PLEKHA6: variants seen among roughly 807,000 people sequenced by gnomAD.
PLEKHA6 encodes pleckstrin homology domain-containing family A member 6.
In PLEKHA6, 60 loss-of-function variants were observed where a neutral mutation model predicts 116.7. The ratio of observed to expected loss-of-function variants is 0.51; its 90% CI spans 0.42 to 0.64. The LOEUF (loss-of-function observed/expected upper bound fraction) is 0.64, where lower values mean the gene tolerates loss of function less well. PLEKHA6 is among the 30% of genes least tolerant of loss of function. PLEKHA6 has a pLI of 0.00. For synonymous variants in PLEKHA6, 489 were observed against 556.1 expected, an observed-to-expected ratio of 0.88 and a Z score of 1.70; for missense variants, 1,338 against 1,422.7, an observed-to-expected ratio of 0.94 and a Z score of 0.96.
chr1:204,334,637 G>A (rs1314861319), intron 1 of PLEKHA6, among the ~76,000 whole-genome samples: 2 of 152,170 alleles, frequency 1.3e-5, no homozygotes, highest in Non-Finnish European at 2.9e-5. Flanking sequence ...GGTGGTTCAT[G>A]CCTGTCATCC....
At chr1:204,260,830 A>G (rs1666014983) in intron 7 of PLEKHA6, among the ~76,000 whole-genome samples, 1 of 152,212 alleles carries the variant, frequency 6.6e-6, no homozygotes, top group Admixed American at 6.5e-5. Flanking sequence ...CACTCTGTGT[A>G]GGCCTCACAA....
intron 17 of PLEKHA6, among the ~76,000 whole-genome samples, chr1:204,239,313 A>G (rs1662482770): frequency 6.6e-6 from 1 of 152,164 alleles, no homozygotes; most frequent in Non-Finnish European, 1.5e-5. Flanking sequence ...TGAGTGCCCA[A>G]TTTGCCAGCA....
chr1:204,363,564 G>A (rs534562106), upstream of PLEKHA6, among the ~76,000 whole-genome samples: 2 of 152,282 alleles, frequency 1.3e-5, no homozygotes, highest in East Asian at 1.9e-4. Context: ...GCACCCTTGG[G>A]GACAGAACTG....
chr1:204,248,434 G>C (rs10900566), intron 12 of PLEKHA6, among the ~76,000 whole-genome samples: 3 of 151,964 alleles, frequency 2.0e-5, no homozygotes, highest in African/African-American at 7.3e-5. Context: ...GATTATAGGC[G>C]TGAGCCACTG....
At chr1:204,288,648 G>A (rs1261218893) in intron 1 of PLEKHA6, among the ~76,000 whole-genome samples, 1 of 152,204 alleles carries the variant, frequency 6.6e-6, no homozygotes, top group Admixed American at 6.5e-5. Context: ...CAGATCCATG[G>A]AACTGCCTCT....
At chr1:204,287,668 C>T (rs1281594805) in intron 1 of PLEKHA6, among the ~76,000 whole-genome samples, 2 of 152,178 alleles carry the variant, frequency 1.3e-5, no homozygotes, top group African/African-American at 4.8e-5. Flanking sequence ...ATGCCAGTCT[C>T]CTGTGGCTCT....
intron 1 of PLEKHA6, among the ~76,000 whole-genome samples, chr1:204,316,859 T>A (rs906626910): frequency 1.2e-4 from 18 of 152,200 alleles, no homozygotes; most frequent in African/African-American, 4.3e-4. Flanking sequence ...ACCCTACTGG[T>A]ATTTTACCAG....
chr1:204,239,772 C>T (rs1032481122), intron 17 of PLEKHA6, among the ~76,000 whole-genome samples: 11 of 152,156 alleles, frequency 7.2e-5, no homozygotes, highest in African/African-American at 2.4e-4. Context: ...TTCAGAAGGC[C>T]ATGTATGTTC....
intron 1 of PLEKHA6, among the ~76,000 whole-genome samples, chr1:204,306,384 C>T (rs1461783269): frequency 2.0e-5 from 3 of 152,150 alleles, no homozygotes; most frequent in African/African-American, 4.8e-5. Flanking sequence ...GACGGGGCCA[C>T]ATTCAGCCAG....
In PLEKHA6 at chr1:204,226,043, G is replaced by A. The variant is rs1305984087; in HGVS notation, c.3031+2040C>T. Among the ~76,000 whole-genome samples, 4 of 152,214 alleles carry A rather than the reference G, an allele frequency of 2.6e-5. No homozygotes were observed. In the East Asian group the frequency reaches 7.7e-4, roughly 29 times the overall value. ...ACGCGGGCACTGAACTCTACTCGCT[G>A]CACCCGCTGCACGCTGTGCTCATGA... On this transcript the variant is annotated intron_variant, in intron 21 of 22. Transcript: ENST00000272203.
At chr1:204,343,811 G>C (rs993176220) in intron 1 of PLEKHA6, among the ~76,000 whole-genome samples, 5 of 152,158 alleles carry the variant, frequency 3.3e-5, no homozygotes, top group Non-Finnish European at 7.3e-5. Context: ...GAGAAAAGCT[G>C]ACCAAGTGAA....
intron 1 of PLEKHA6, among the ~76,000 whole-genome samples, chr1:204,278,343 G>A (rs561861158): frequency 2.6e-5 from 4 of 152,284 alleles, no homozygotes; most frequent in South Asian, 2.1e-4. Context: ...TTGATATCAC[G>A]TTTCAGTTCC....
In PLEKHA6 at chr1:204,261,472, A is replaced by AGCTG; in HGVS notation, c.382-28_382-25dup. 1 of 1,588,956 alleles carries AGCTG rather than the reference A, an allele frequency of 6.3e-7. No individual in the cohort carries two copies. The highest frequency in any genetic ancestry group is 8.6e-7 in the Non-Finnish European group (1 of 1,166,014). ...GCCTGTGGGGAGAGGCAGCGTGTGGAGCTGGCCTCGGCCTCATCCACCCAG... is the reference window on the plus strand; with the variant it reads ...GCCTGTGGGGAGAGGCAGCGTGTGGAGCTGGCTGGCCTCGGCCTCATCCACCCAG... On this transcript the variant is annotated intron_variant, in intron 6 of 22. Coordinates refer to ENST00000272203, the MANE Select transcript of PLEKHA6 (RefSeq NM_014935.5). The surrounding 1 kb of genome is among the most constrained non-coding windows in gnomAD (Gnocchi z 4.0).
chr1:204,297,383 A>G (rs1670385019), intron 1 of PLEKHA6, among the ~76,000 whole-genome samples: 1 of 152,242 alleles, frequency 6.6e-6, no homozygotes, highest in African/African-American at 2.4e-5. Flanking sequence ...GGGCCTTAGC[A>G]CATGGCTACA....
chr1:204,352,238 G>A (rs770589724), intron 1 of PLEKHA6, among the ~76,000 whole-genome samples: 18 of 151,820 alleles, frequency 1.2e-4, no homozygotes, highest in African/African-American at 1.7e-4. Flanking sequence ...GCCCGGCATG[G>A]TGGCGCATGC....
chr1:204,257,787 A>G lies in PLEKHA6; in HGVS notation c.1090T>C (p.Tyr364His). The change falls in exon 9 of 23, where the codon TAC (tyrosine) becomes CAC (histidine). Residue 364 changes from tyrosine (Y) to histidine (H), a missense_variant. Tyr to His is a moderately conservative substitution (Grantham distance 83). Around this residue, in one of 3 missense-constraint regions of PLEKHA6, gnomAD observed 1,136 missense variants for 1,163.6 expected, o/e 0.98. Coordinates refer to ENST00000272203, the MANE Select transcript of PLEKHA6 (RefSeq NM_014935.5). The surrounding 1 kb of genome is among the most constrained non-coding windows in gnomAD (Gnocchi z 6.5). Reference sequence around the variant, plus strand: ...TCCGGCCGCACTCCTGGCGGGTAGTACTGATAATCATCGGGGTACTGGGAG... The same window carrying G: ...TCCGGCCGCACTCCTGGCGGGTAGTGCTGATAATCATCGGGGTACTGGGAG... Reference protein sequence around the residue: ...YSSQYPDDYQYYPPGVRPESI... With the variant: ...YSSQYPDDYQHYPPGVRPESI... 1 of 1,614,046 alleles carries G rather than the reference A, an allele frequency of 6.2e-7. No individual in the cohort carries two copies. Among genetic ancestry groups the G allele is most frequent in the Non-Finnish European group, 8.5e-7 (1 of 1,179,984 alleles).
At chr1:204,255,978 A>C (rs1168507348) in intron 9 of PLEKHA6, among the ~76,000 whole-genome samples, 1 of 152,214 alleles carries the variant, frequency 6.6e-6, no homozygotes, top group Admixed American at 6.5e-5. Flanking sequence ...CAATTTAGGC[A>C]GCACTTGTTA....
At chr1:204,306,316 A>G (rs369748960) in intron 1 of PLEKHA6, among the ~76,000 whole-genome samples, 1 of 152,128 alleles carries the variant, frequency 6.6e-6, no homozygotes, top group Non-Finnish European at 1.5e-5. Flanking sequence ...CCCCTGTACA[A>G]GGCAGTTCTC....
At chr1:204,352,335 A>C (rs999763767) in intron 1 of PLEKHA6, among the ~76,000 whole-genome samples, 1 of 151,868 alleles carries the variant, frequency 6.6e-6, no homozygotes, top group Non-Finnish European at 1.5e-5. Context: ...AGATCGCACC[A>C]CTGCACTCCA....
Sources: allele counts gnomAD v4.1 joint callset (sites outside exome capture counted in the v4.1 genomes callset), GRCh38; gene constraint gnomAD v4.1.1; regional missense constraint gnomAD v4.1.1; non-coding constraint Gnocchi (gnomAD v3.1); transcripts MANE v1.5; gene names NCBI Gene and HGNC (gene_info 2026-07-23, HGNC 2026-07-21).